Variants in SMG6 observed in about 807,000 individuals in gnomAD.
The protein encoded by SMG6 is SMG6 nonsense mediated mRNA decay factor, also known as telomerase-binding protein EST1A.
A neutral mutation model predicts 142.2 loss-of-function variants in SMG6; 66 were observed. The ratio of observed to expected loss-of-function variants is 0.46; its 90% CI spans 0.38 to 0.57. The LOEUF is 0.57. Among genes scored for constraint, SMG6 ranks in the 20% least tolerant of loss-of-function variants. SMG6 has a pLI of 0.00. For missense variants in SMG6, 1,793 were observed against 1,832.0 expected (o/e 0.98, Z 0.39); for synonymous variants, 779 against 702.4 (o/e 1.11, Z -1.72).
chr17:2,127,373 A>C (rs2069932400), intron 13 of SMG6: 1 of 609,320 alleles, frequency 1.6e-6, no homozygotes, highest in African/African-American at 1.8e-5. Context: ...TACACTTAAG[A>C]AATGGTTGAA....
intron 13 of SMG6, among the ~76,000 whole-genome samples, chr17:2,100,956 T>C (rs573567822): frequency 1.3e-5 from 2 of 152,148 alleles, no homozygotes; most frequent in Non-Finnish European, 2.9e-5. Context: ...CTGGCCAGAA[T>C]GTGTGTAAGT....
At chr17:2,294,995 G>A (rs568431656) in intron 4 of SMG6, among the ~76,000 whole-genome samples, 1 of 152,028 alleles carries the variant, frequency 6.6e-6, no homozygotes, top group East Asian at 1.9e-4. Context: ...TCCTGTCTCA[G>A]CCTCCTGAGT....
intron 13 of SMG6, chr17:2,127,925 C>G (rs1013621377): frequency 5.3e-6 from 3 of 565,130 alleles, no homozygotes; most frequent in Admixed American, 1.9e-5. Context: ...AGTACCTGGA[C>G]CAATGCAGAC....
intron 8 of SMG6, chr17:2,265,795 T>G (rs954501886): frequency 1.1e-5 from 2 of 188,724 alleles, no homozygotes; most frequent in African/African-American, 2.4e-5. Context: ...GGGTATTACC[T>G]GAATCATTAG....
intron 8 of SMG6, among the ~76,000 whole-genome samples, chr17:2,253,213 C>T (rs1401875276): frequency 6.6e-6 from 1 of 151,894 alleles, no homozygotes; most frequent in Admixed American, 6.6e-5. Flanking sequence ...GCGATCTCGG[C>T]TCACTCTAAG....
chr17:2,185,057 C>G (rs557914553), intron 12 of SMG6, among the ~76,000 whole-genome samples: 1 of 149,354 alleles, frequency 6.7e-6, no homozygotes, highest in African/African-American at 2.5e-5. Flanking sequence ...CTTGGGGACA[C>G]ATGAATCCCA....
chr17:2,298,996 C>T lies in SMG6; in HGVS notation c.1757G>A (p.Arg586Gln). The T allele has an allele frequency of 1.2e-6, 2 of 1,614,146 alleles. No individual in the cohort carries two copies. Among genetic ancestry groups the T allele is most frequent in the Non-Finnish European group, 1.7e-6 (2 of 1,180,028 alleles). ...LQQQELHRLLRVADNQELQLS... is the reference protein window; with the variant it reads ...LQQQELHRLLQVADNQELQLS... Reference sequence around the variant, plus strand: ...CTGCAGTTCCTGGTTGTCAGCCACCCGGAGAAGCCTGTGCAGCTCCTGTTG... The same window carrying T: ...CTGCAGTTCCTGGTTGTCAGCCACCTGGAGAAGCCTGTGCAGCTCCTGTTG... The change falls in exon 2 of 19, where the codon CGG (arginine) becomes CAG (glutamine). Residue 586 changes from arginine (R) to glutamine (Q), a missense_variant. This residue lies in a region of SMG6 where 1,597 missense variants were observed against 1,584.6 expected (regional missense o/e 1.01). Coordinates refer to ENST00000263073, the MANE Select transcript of SMG6 (RefSeq NM_017575.5).
At chr17:2,298,580 T>G (rs1207936854) in intron 2 of SMG6, among the ~76,000 whole-genome samples, 1 of 151,800 alleles carries the variant, frequency 6.6e-6, no homozygotes, top group Non-Finnish European at 1.5e-5. Context: ...TAGCCGGGTG[T>G]GGTGGCAGGC....
In SMG6 at chr17:2,302,929, T is replaced by C. The variant is rs904276080; in HGVS notation, c.88+704A>G. On this transcript the variant is annotated intron_variant, in intron 1 of 18. Transcript: ENST00000263073. The stretch of plus-strand genomic sequence containing the variant: ...CAATTTCACAGACTGGCCGCAAACC[T>C]AGAGAAGGCACCTATCACAGCTACC... 4.1e-6 allele frequency: 4 copies of C among 981,332 alleles called. No homozygotes were observed. In the African/African-American group the frequency reaches 7.0e-5, roughly 17 times the overall value. 60.8% of individuals were successfully genotyped at this position (981,332 alleles called of 1,614,324 possible). A position where few individuals can be genotyped will look rare whatever the true frequency, so the allele number is the denominator to read the frequency against.
intron 2 of SMG6, 136 bp from the exon 3 acceptor site, chr17:2,298,191 C>T: frequency 1.4e-6 from 1 of 696,486 alleles, no homozygotes; most frequent in Non-Finnish European, 2.3e-6. Flanking sequence ...ATACTACTCA[C>T]TCTGGTTTCC....
At chr17:2,244,903 G>A in intron 8 of SMG6, 184 bp from the exon 9 acceptor site, 1 of 594,092 alleles carries the variant, frequency 1.7e-6, no homozygotes, top group South Asian at 2.0e-5. Flanking sequence ...CTGCCGCTCA[G>A]CTGAGCCAAG....
At chr17:2,186,404 G>A (rs995443090) in intron 12 of SMG6, among the ~76,000 whole-genome samples, 4 of 152,136 alleles carry the variant, frequency 2.6e-5, no homozygotes, top group Non-Finnish European at 5.9e-5. Context: ...GAGGGAACGA[G>A]AGCAAGAACA....
intron 4 of SMG6, among the ~76,000 whole-genome samples, chr17:2,295,855 C>T (rs1403543575): frequency 6.6e-6 from 1 of 152,208 alleles, no homozygotes; most frequent in Non-Finnish European, 1.5e-5. Context: ...AGCCACTCCC[C>T]TGGACTACCA....
chr17:2,297,579 C>G (rs980092269), intron 3 of SMG6, among the ~76,000 whole-genome samples: 5 of 151,882 alleles, frequency 3.3e-5, no homozygotes, highest in Non-Finnish European at 7.4e-5. Context: ...CACACACACA[C>G]ACACACACGC....
At chr17:2,273,754 G>A (rs907741198) in intron 8 of SMG6, among the ~76,000 whole-genome samples, 5 of 151,872 alleles carry the variant, frequency 3.3e-5, no homozygotes, top group Admixed American at 6.6e-5. Context: ...CAGAGATCGC[G>A]CCACTGCACT....
At chr17:2,082,634 T>A (rs1597356819) in intron 14 of SMG6, among the ~76,000 whole-genome samples, 1 of 152,204 alleles carries the variant, frequency 6.6e-6, no homozygotes, top group Non-Finnish European at 1.5e-5. Flanking sequence ...GCCAGGCTGG[T>A]GGCACATTCC....
At chr17:2,139,653 G>T (rs745413297) in intron 13 of SMG6, among the ~76,000 whole-genome samples, 1 of 151,608 alleles carries the variant, frequency 6.6e-6, no homozygotes, top group Non-Finnish European at 1.5e-5. Flanking sequence ...ACTCCTGACC[G>T]CAAGTGATCT....
chr17:2,260,673 C>T (rs73293543), intron 8 of SMG6, among the ~76,000 whole-genome samples: 8,833 of 152,144 alleles, frequency 0.058, 828 homozygotes, highest in African/African-American at 0.2. Flanking sequence ...TATCATTAAA[C>T]GTATAGAAAA....
At chr17:2,131,458 A>G (rs1327126338) in intron 13 of SMG6, among the ~76,000 whole-genome samples, 2 of 152,018 alleles carry the variant, frequency 1.3e-5, no homozygotes, top group Non-Finnish European at 1.5e-5. Flanking sequence ...CACCATGCCC[A>G]GCTAACTTTT....
Sources: allele counts gnomAD v4.1 joint callset (sites outside exome capture counted in the v4.1 genomes callset), GRCh38; gene constraint gnomAD v4.1.1; regional missense constraint gnomAD v4.1.1; transcripts MANE v1.5; gene names NCBI Gene and HGNC (gene_info 2026-07-23, HGNC 2026-07-21).